The following ABL1 variants were observed in gnomAD, a reference collection of about 807,000 sequenced individuals.
ABL1 encodes the protein ABL proto-oncogene 1, non-receptor tyrosine kinase, also known as tyrosine-protein kinase ABL1.
ABL1 carries 11 observed loss-of-function variants against 94.7 expected under a neutral mutation model. The ratio of observed to expected loss-of-function variants is 0.12; its 90% confidence interval spans 0.07 to 0.19. ABL1 has a LOEUF of 0.19. Among genes scored for constraint, ABL1 ranks in the 10% least tolerant of loss-of-function variants. ABL1 has a pLI of 1.00. For synonymous variants in ABL1, 656 were observed against 622.4 expected, an observed-to-expected ratio of 1.05 and a Z score of -0.80; for missense variants, 1,082 against 1,489.4, an observed-to-expected ratio of 0.73 and a Z score of 4.50.
At chr9:130,786,102 C>G (rs760053114) in intron 1 of ABL1, among the ~76,000 whole-genome samples, 1 of 152,152 alleles carries the variant, frequency 6.6e-6, no homozygotes, top group Non-Finnish European at 1.5e-5. Context: ...TGGGGAAGCA[C>G]CATCCACAGG....
At chr9:130,800,172 A>G (rs147152091) in intron 1 of ABL1, among the ~76,000 whole-genome samples, 76 of 152,222 alleles carry the variant, frequency 5.0e-4, no homozygotes, top group African/African-American at 1.7e-3. Context: ...GCACCCAACT[A>G]TAAAATGTAT....
intron 1 of ABL1, among the ~76,000 whole-genome samples, chr9:130,813,668 A>T (rs1288872574): frequency 6.6e-6 from 1 of 152,134 alleles, no homozygotes; most frequent in East Asian, 1.9e-4. Context: ...AATATTTGGA[A>T]AATAACATAA....
At chr9:130,882,752 T>C (rs1303179188) in intron 10 of ABL1, among the ~76,000 whole-genome samples, 4 of 152,060 alleles carry the variant, frequency 2.6e-5, no homozygotes, top group African/African-American at 9.7e-5. Context: ...GCCAGGATGG[T>C]CTCTATCTCT....
At position 130,887,413 on chromosome 9, in the gene ABL1, A is replaced by AG; in HGVS notation, c.*1732dup. 1 of 233,374 alleles carries AG rather than the reference A, an allele frequency of 4.3e-6. No homozygotes were observed. Among genetic ancestry groups the AG allele is most frequent in the East Asian group, 6.0e-5 (1 of 16,568 alleles). 14.5% of individuals were successfully genotyped at this position (233,374 alleles called of 1,614,324 possible). Reference sequence around the variant, plus strand: ...GGTCCCCCGACTGCCTGTCTCCATGAGGTACTGGTCCCTTCCTTTTGTTAA... The same window carrying AG: ...GGTCCCCCGACTGCCTGTCTCCATGAGGGTACTGGTCCCTTCCTTTTGTTAA... On this transcript the variant is annotated 3_prime_UTR_variant, in exon 11 of 11. Coordinates refer to ENST00000318560, the MANE Select transcript of ABL1 (RefSeq NM_005157.6).
intron 1 of ABL1, among the ~76,000 whole-genome samples, chr9:130,827,044 C>T (rs1564302021): frequency 6.6e-6 from 1 of 152,072 alleles, no homozygotes. Context: ...CGCCACTGCA[C>T]TCCAGCCTGG....
chr9:130,718,856 T>C (rs1831480006), intron 1 of ABL1, among the ~76,000 whole-genome samples: 3 of 152,048 alleles, frequency 2.0e-5, no homozygotes, highest in African/African-American at 7.2e-5. Context: ...CACTGCAGCC[T>C]GGGTAACAGA....
chr9:130,744,243 A>G (rs1831855856), intron 1 of ABL1, among the ~76,000 whole-genome samples: 1 of 151,778 alleles, frequency 6.6e-6, no homozygotes, highest in Non-Finnish European at 1.5e-5. Context: ...CCCGGGTTCA[A>G]GAGATTCTCC....
chr9:130,809,594 G>A (rs770361807), intron 1 of ABL1, among the ~76,000 whole-genome samples: 1 of 152,170 alleles, frequency 6.6e-6, no homozygotes, highest in Non-Finnish European at 1.5e-5. Context: ...CAAGACCCAG[G>A]CAGAGCCAAT....
chr9:130,859,677 C>CTTT (rs869234280), intron 3 of ABL1, among the ~76,000 whole-genome samples: 2,954 of 78,260 alleles, frequency 0.038, 514 homozygotes, highest in African/African-American at 0.14. Context: ...TCTTTCTTTC[C>CTTT]TTTTTTTTTT....
chr9:130,851,619 G>A (rs540349625), intron 1 of ABL1, among the ~76,000 whole-genome samples: 2 of 152,056 alleles, frequency 1.3e-5, no homozygotes, highest in African/African-American at 4.8e-5. Flanking sequence ...CCACCCCTGA[G>A]ATGGTATTAT....
At chr9:130,853,328 A>G (rs1267655521) in intron 1 of ABL1, among the ~76,000 whole-genome samples, 1 of 151,602 alleles carries the variant, frequency 6.6e-6, no homozygotes, top group African/African-American at 2.4e-5. Flanking sequence ...GGCACCTGCC[A>G]CCATGCCCGG....
rs1028031620 is a variant in ABL1, at chr9:130,854,149, C to T, written c.165C>T (p.Leu55=). 3.1e-6 allele frequency: 5 copies of T among 1,614,056 alleles called. No homozygotes were observed. The highest frequency in any genetic ancestry group is 1.3e-5 in the African/African-American group (1 of 74,920). ...AARWNSKENL[L]AGPSENDPNL... is the part of the protein sequence containing the mutation. ...GTTGGAACTCCAAGGAAAACCTTCT[C>T]GCTGGACCCAGTGAAAATGACCCCA... is the stretch of plus-strand genomic sequence containing the variant. The change falls in exon 2 of 11, where the codon CTC becomes CTT. Residue 55 remains leucine (L), a synonymous_variant. Coordinates refer to ENST00000318560, the MANE Select transcript of ABL1 (RefSeq NM_005157.6).
At chr9:130,861,038 CATG>C (rs1831063333) in intron 3 of ABL1, among the ~76,000 whole-genome samples, 3 of 152,164 alleles carry the variant, frequency 2.0e-5, no homozygotes, top group Admixed American at 1.3e-4. Context: ...GAGCGTGACT[CATG>C]GTGTGTGTCC....
intron 1 of ABL1, among the ~76,000 whole-genome samples, chr9:130,748,876 C>T (rs764436400): frequency 6.6e-6 from 1 of 152,192 alleles, no homozygotes; most frequent in Admixed American, 6.5e-5. Flanking sequence ...TGCGCTTGGC[C>T]TCTATATAAG....
At chr9:130,808,231 TCTTCTTCTTCTTC>T (rs1480059991) in intron 1 of ABL1, among the ~76,000 whole-genome samples, 144 of 141,706 alleles carry the variant, frequency 1.0e-3, no homozygotes, top group African/African-American at 3.7e-3. Flanking sequence ...TTCTTCTTCT[TCTTCTTCTTCTTC>T]TTCTTTTTTT....
chr9:130,801,190 A>G (rs904521297), intron 1 of ABL1, among the ~76,000 whole-genome samples: 3 of 150,578 alleles, frequency 2.0e-5, no homozygotes, highest in Non-Finnish European at 4.4e-5. Context: ...CAGCCTCCCA[A>G]AGTGCTGGGA....
chr9:130,716,709 G>T (rs970120682), intron 1 of ABL1, among the ~76,000 whole-genome samples: 3 of 152,062 alleles, frequency 2.0e-5, no homozygotes, highest in Non-Finnish European at 4.4e-5. Flanking sequence ...TGCCAATGAT[G>T]AAATTTTAGC....
chr9:130,750,936 C>T (rs1306761254), intron 1 of ABL1, among the ~76,000 whole-genome samples: 3 of 151,780 alleles, frequency 2.0e-5, no homozygotes, highest in African/African-American at 4.8e-5. Context: ...TGAGCCACCA[C>T]GCCCGGCCTA....
intron 1 of ABL1, among the ~76,000 whole-genome samples, chr9:130,774,627 C>G (rs1353817794): frequency 1.3e-5 from 2 of 152,066 alleles, no homozygotes; most frequent in Non-Finnish European, 2.9e-5. Context: ...AGTTCGTGAC[C>G]AGACTGGGCA....
Sources: allele counts gnomAD v4.1 joint callset (sites outside exome capture counted in the v4.1 genomes callset), GRCh38; gene constraint gnomAD v4.1.1; transcripts MANE v1.5; gene names NCBI Gene and HGNC (gene_info 2026-07-23, HGNC 2026-07-21).